Variants in MPHOSPH9 observed in about 807,000 individuals in gnomAD.
MPHOSPH9 encodes M-phase phosphoprotein 9.
MPHOSPH9 carries 88 observed loss-of-function variants against 145.5 expected under a neutral mutation model. The ratio of observed to expected loss-of-function variants is 0.60; its 90% CI spans 0.51 to 0.72. The LOEUF (loss-of-function observed/expected upper bound fraction) is 0.72. Among genes scored for constraint, MPHOSPH9 ranks in the 30% least tolerant of loss-of-function variants. MPHOSPH9 has a pLI of 0.00. For synonymous variants in MPHOSPH9, 435 were observed against 486.2 expected (o/e 0.89, Z 1.39); for missense variants, 1,238 against 1,386.6 (o/e 0.89, Z 1.70).
chr12:123,169,183 G>A (rs146156747), intron 16 of MPHOSPH9, among the ~76,000 whole-genome samples: 3,415 of 148,234 alleles, frequency 0.023, 53 homozygotes, highest in Non-Finnish European at 0.031. Context: ...CACTGCGCCC[G>A]GCCCAGTTTT....
chr12:123,191,153 C>G (rs1198120978), intron 13 of MPHOSPH9, among the ~76,000 whole-genome samples: 1 of 152,018 alleles, frequency 6.6e-6, no homozygotes, highest in African/African-American at 2.4e-5. Context: ...GAAACCCCAT[C>G]TCTATCAAAA....
rs2046163420 is a variant in MPHOSPH9, at chr12:123,200,283, T to C, written c.1937+1881A>G. Among the ~76,000 whole-genome samples the C allele has an allele frequency of 2.6e-5, 4 of 152,044 alleles. No individual in the cohort carries two copies. The South Asian group carries it at 8.3e-4, about 32-fold the overall frequency. ...TGACTGCCACGTATTTTGTTTCTAC[T>C]GTCCTCTGTAACACAGCTTTTTTTT... is the stretch of plus-strand genomic sequence containing the variant. On this transcript the variant is annotated intron_variant, in intron 11 of 23. Coordinates refer to ENST00000606320, the MANE Select transcript of MPHOSPH9 (RefSeq NM_022782.4).
intron 1 of MPHOSPH9, among the ~76,000 whole-genome samples, chr12:123,238,647 G>A (rs1442262080): frequency 6.6e-6 from 1 of 152,148 alleles, no homozygotes; most frequent in African/African-American, 2.4e-5. Context: ...AAAAGTGTCT[G>A]TCCTAGCAAT....
intron 13 of MPHOSPH9, among the ~76,000 whole-genome samples, chr12:123,184,241 A>G (rs1475025416): frequency 2.6e-5 from 4 of 152,052 alleles, no homozygotes; most frequent in Admixed American, 6.6e-5. Flanking sequence ...TTCTTTTGAA[A>G]AAAGGTGACC....
At chr12:123,224,442 A>G (rs1160497695) in intron 3 of MPHOSPH9, among the ~76,000 whole-genome samples, 1 of 151,264 alleles carries the variant, frequency 6.6e-6, no homozygotes, top group African/African-American at 2.4e-5. Context: ...CCGAATTTTC[A>G]TATTTTTTAG....
intron 15 of MPHOSPH9, 126 bp from the exon 16 acceptor site, chr12:123,176,915 G>A: frequency 1.4e-6 from 1 of 707,642 alleles, no homozygotes; most frequent in Non-Finnish European, 2.4e-6. Flanking sequence ...TCCATGGCCG[G>A]GAATGGTGGC....
intron 1 of MPHOSPH9, among the ~76,000 whole-genome samples, chr12:123,242,649 T>C (rs1031868713): frequency 8.5e-5 from 13 of 152,218 alleles, no homozygotes; most frequent in African/African-American, 3.1e-4. Flanking sequence ...GGAGACCTTC[T>C]TGAACTCCAG....
chr12:123,223,206 G>C (rs2047286961), intron 3 of MPHOSPH9, 79 bp from the exon 4 acceptor site: 5 of 922,114 alleles, frequency 5.4e-6, no homozygotes, highest in Non-Finnish European at 7.3e-6. Context: ...CAGTGTAAAA[G>C]AGCCCTTTTT....
At chr12:123,163,155 G>A in intron 19 of MPHOSPH9, 21 bp from the exon 20 acceptor site, 1 of 1,563,168 alleles carries the variant, frequency 6.4e-7, no homozygotes, top group Non-Finnish European at 8.6e-7. Context: ...AAATGAAGAG[G>A]AAATATTCTT....
At chr12:123,219,552 C>CAA (rs778997410) in intron 5 of MPHOSPH9, among the ~76,000 whole-genome samples, 64 of 49,808 alleles carry the variant, frequency 1.3e-3, no homozygotes, top group African/African-American at 3.7e-3. Context: ...GACTCTGTCT[C>CAA]AAAAAAAAAA....
chr12:123,234,344 T>C (rs1246127232), upstream of MPHOSPH9, among the ~76,000 whole-genome samples: 1 of 151,904 alleles, frequency 6.6e-6, no homozygotes, highest in African/African-American at 2.4e-5. Flanking sequence ...TTACATCTCA[T>C]TGGAGCTTCC....
chr12:123,237,999 C>T (rs2047877785), upstream of MPHOSPH9, among the ~76,000 whole-genome samples: 1 of 151,988 alleles, frequency 6.6e-6, no homozygotes, highest in Non-Finnish European at 1.5e-5. Flanking sequence ...AGGTTGAATC[C>T]ATTATTCTGC....
chr12:123,210,287 GAAT>G, intron 7 of MPHOSPH9, 125 bp from the exon 8 acceptor site: 1 of 503,488 alleles, frequency 2.0e-6, no homozygotes, highest in South Asian at 4.0e-5. Context: ...AAAGTAATTT[GAAT>G]TTTGATGGAA....
intron 8 of MPHOSPH9, among the ~76,000 whole-genome samples, chr12:123,206,824 G>C (rs142243073): frequency 2.0e-3 from 298 of 151,922 alleles, no homozygotes; most frequent in Admixed American, 3.5e-3. Context: ...TGAAGCAGGA[G>C]AATCGCTTGA....
intron 10 of MPHOSPH9, 23 bp downstream of exon 10, chr12:123,202,601 A>C: frequency 6.3e-7 from 1 of 1,580,200 alleles, no homozygotes; most frequent in African/African-American, 1.3e-5. Flanking sequence ...TTAACATTAC[A>C]AGCCATTCAC....
intron 8 of MPHOSPH9, among the ~76,000 whole-genome samples, chr12:123,203,990 A>G (rs1415340973): frequency 6.6e-6 from 1 of 151,942 alleles, no homozygotes; most frequent in South Asian, 2.1e-4. Flanking sequence ...CCTAGCCAAT[A>G]GCCAAGTTTT....
chr12:123,213,794 AG>A (rs1366149907), intron 7 of MPHOSPH9, among the ~76,000 whole-genome samples: 1 of 152,116 alleles, frequency 6.6e-6, no homozygotes, highest in East Asian at 1.9e-4. Flanking sequence ...TGTGAACAAC[AG>A]GGTTTGGAGA....
upstream of MPHOSPH9, among the ~76,000 whole-genome samples, chr12:123,237,972 T>C (rs2047877439): frequency 6.6e-6 from 1 of 151,804 alleles, no homozygotes; most frequent in South Asian, 2.1e-4. Flanking sequence ...CTCAGCCCAC[T>C]GCAACCTCTG....
intron 21 of MPHOSPH9, among the ~76,000 whole-genome samples, chr12:123,161,751 C>A (rs80252015): frequency 5.3e-4 from 80 of 151,516 alleles, no homozygotes; most frequent in African/African-American, 1.9e-3. Context: ...TTTTGAGGGC[C>A]TACCCAAGTG....
Sources: allele counts gnomAD v4.1 joint callset (sites outside exome capture counted in the v4.1 genomes callset), GRCh38; gene constraint gnomAD v4.1.1; transcripts MANE v1.5; gene names NCBI Gene and HGNC (gene_info 2026-07-23, HGNC 2026-07-21).